Variants in KHDRBS2 observed in about 807,000 individuals in gnomAD.
The protein encoded by KHDRBS2 is KH RNA binding domain containing, signal transduction associated 2.
In KHDRBS2, 26 loss-of-function variants were observed where a neutral mutation model predicts 44.3. The observed-to-expected ratio is 0.59, with a 90% CI of 0.43 to 0.81. KHDRBS2 has a LOEUF of 0.81. Ranked by LOEUF, KHDRBS2 falls within the 40% of genes least tolerant of loss-of-function variation. KHDRBS2 has a pLI of 0.00. For synonymous variants in KHDRBS2, 194 were observed against 151.1 expected (o/e 1.28, Z -2.08); for missense variants, 476 against 433.1 (o/e 1.10, Z -0.88).
chr6:61,996,785 C>A (rs1236577308), intron 3 of KHDRBS2, among the ~76,000 whole-genome samples: 2 of 137,430 alleles, frequency 1.5e-5, no homozygotes, highest in South Asian at 2.7e-4. Context: ...TACCCCTCCT[C>A]CCCCCCTCAC....
At position 61,734,298 on chromosome 6, in the gene KHDRBS2, A is replaced by G. The variant is rs148638858; in HGVS notation, c.811-1534T>C. Among the ~76,000 whole-genome samples the G allele has an allele frequency of 9.2e-3, 1,396 of 152,164 alleles. 12 individuals are homozygous for G. The highest frequency in any genetic ancestry group is 0.016 in the Non-Finnish European group (1,083 of 67,976). ...TTGCTATTGAGTTAAATTTTGTTCA[A>G]TGTTCTAAAGTTAATTTTAGTATTT... On this transcript the variant is annotated intron_variant, in intron 6 of 8. Coordinates refer to ENST00000281156, the MANE Select transcript of KHDRBS2 (RefSeq NM_152688.4).
intron 1 of KHDRBS2, among the ~76,000 whole-genome samples, chr6:62,193,256 A>G (rs538839073): frequency 1.1e-4 from 16 of 152,220 alleles, no homozygotes; most frequent in African/African-American, 3.1e-4. Context: ...TTTAAGGTGT[A>G]CCTGAAATCT....
chr6:61,953,769 C>T (rs1765284318), intron 4 of KHDRBS2, among the ~76,000 whole-genome samples: 2 of 152,044 alleles, frequency 1.3e-5, no homozygotes, highest in South Asian at 4.1e-4. Context: ...GACCTCTCTG[C>T]CTACTTAGAA....
the KHDRBS2 span, among the ~76,000 whole-genome samples, chr6:61,545,916 G>A: frequency 6.6e-6 from 1 of 152,032 alleles, no homozygotes; most frequent in South Asian, 2.1e-4. Flanking sequence ...AAGGGGAGAG[G>A]CCTCACCAGA....
chr6:61,705,764 C>T (rs1769417335), intron 7 of KHDRBS2, among the ~76,000 whole-genome samples: 1 of 151,778 alleles, frequency 6.6e-6, no homozygotes, highest in African/African-American at 2.4e-5. Flanking sequence ...CAAGGTCCTG[C>T]CCCAAGCACA....
the KHDRBS2 span, among the ~76,000 whole-genome samples, chr6:61,579,773 G>A: frequency 6.6e-6 from 1 of 152,110 alleles, no homozygotes; most frequent in South Asian, 2.1e-4. Context: ...AATGTGAAAG[G>A]CAGGCTGGGT....
the KHDRBS2 span, among the ~76,000 whole-genome samples, chr6:61,636,851 T>A: frequency 6.6e-6 from 1 of 151,966 alleles, no homozygotes; most frequent in Non-Finnish European, 1.5e-5. Context: ...TAGGACCACA[T>A]CTCATGCATA....
chr6:62,260,109 T>C (rs866229456), intron 1 of KHDRBS2, among the ~76,000 whole-genome samples: 1 of 151,986 alleles, frequency 6.6e-6, no homozygotes, highest in Admixed American at 6.6e-5. Flanking sequence ...CCTAGTTGCA[T>C]GGACCTTGGC....
intron 4 of KHDRBS2, among the ~76,000 whole-genome samples, chr6:61,913,101 C>T (rs1405482550): frequency 2.6e-5 from 4 of 152,006 alleles, no homozygotes; most frequent in Admixed American, 6.6e-5. Context: ...TTTCCTTATT[C>T]GTTTTTAAAA....
intron 3 of KHDRBS2, among the ~76,000 whole-genome samples, chr6:62,000,405 A>G (rs1435073387): frequency 3.3e-5 from 5 of 152,172 alleles, no homozygotes; most frequent in Non-Finnish European, 7.3e-5. Context: ...TTTGGAATGT[A>G]AGTTTTTCAC....
At chr6:61,884,956 T>G (rs1247436697) in intron 6 of KHDRBS2, among the ~76,000 whole-genome samples, 1 of 152,076 alleles carries the variant, frequency 6.6e-6, no homozygotes, top group Non-Finnish European at 1.5e-5. Context: ...GCATTCCTTC[T>G]TTAAGAAAAA....
intron 4 of KHDRBS2, among the ~76,000 whole-genome samples, chr6:61,916,169 G>A (rs1806958181): frequency 6.6e-6 from 1 of 151,906 alleles, no homozygotes; most frequent in Non-Finnish European, 1.5e-5. Context: ...ATTTTCATAT[G>A]GCCTTGCTCT....
chr6:61,612,299 G>A, the KHDRBS2 span, among the ~76,000 whole-genome samples: 2 of 152,128 alleles, frequency 1.3e-5, no homozygotes, highest in African/African-American at 2.4e-5. Context: ...GGAAAGCTCA[G>A]ATAACAGGTC....
intron 1 of KHDRBS2, among the ~76,000 whole-genome samples, chr6:62,197,481 G>A (rs1825940179): frequency 6.6e-6 from 1 of 152,152 alleles, no homozygotes; most frequent in South Asian, 2.1e-4. Flanking sequence ...TGGATAATGG[G>A]TCTTGAAGGA....
intron 6 of KHDRBS2, among the ~76,000 whole-genome samples, chr6:61,844,568 T>C (rs1316387269): frequency 6.6e-6 from 1 of 152,168 alleles, no homozygotes. Context: ...TTATGGCTCA[T>C]GAAAAATCAC....
the KHDRBS2 span, among the ~76,000 whole-genome samples, chr6:61,638,841 T>A: frequency 1.3e-5 from 2 of 152,150 alleles, no homozygotes; most frequent in African/African-American, 2.4e-5. Context: ...CTAATGTATC[T>A]ATCTTTAATA....
At chr6:61,983,355 C>T (rs1345271194) in intron 3 of KHDRBS2, among the ~76,000 whole-genome samples, 10 of 150,490 alleles carry the variant, frequency 6.6e-5, no homozygotes, top group South Asian at 2.1e-4. Flanking sequence ...GGATTATAAG[C>T]GTGAGCTACC....
chr6:62,107,926 C>G (rs1372119904), intron 2 of KHDRBS2, among the ~76,000 whole-genome samples: 4 of 152,072 alleles, frequency 2.6e-5, no homozygotes, highest in Non-Finnish European at 5.9e-5. Flanking sequence ...TTCCTTACAC[C>G]TTATACAAAA....
At chr6:62,069,751 T>C (rs566753907) in intron 2 of KHDRBS2, among the ~76,000 whole-genome samples, 1 of 151,914 alleles carries the variant, frequency 6.6e-6, no homozygotes, top group South Asian at 2.1e-4. Context: ...TACAATAGGA[T>C]AGTTTGTACT....
Sources: allele counts gnomAD v4.1 joint callset (sites outside exome capture counted in the v4.1 genomes callset), GRCh38; gene constraint gnomAD v4.1.1; transcripts MANE v1.5; gene names NCBI Gene and HGNC (gene_info 2026-07-23, HGNC 2026-07-21).